The following NES variants were observed in gnomAD, a reference collection of about 807,000 sequenced individuals.
NES encodes the protein nestin.
NES carries 27 observed loss-of-function variants against 35.6 expected under a neutral mutation model. The ratio of observed to expected loss-of-function variants is 0.76; its 90% CI spans 0.56 to 1.04. NES has a LOEUF of 1.04. NES is among the 50% of genes least tolerant of loss of function. The pLI, the probability that NES is intolerant of heterozygous loss-of-function variation, is 0.00. For synonymous variants in NES, 822 were observed against 824.2 expected (o/e 1.00, Z 0.04); for missense variants, 1,867 against 1,983.6 (o/e 0.94, Z 1.12).
rs748479296 is a variant in NES, at chr1:156,670,246, G to T, written c.3942C>A (p.Asp1314Glu). Residue 1314 changes from aspartate (D) to glutamate (E), a missense_variant, in exon 4 of 4, where the codon GAC (aspartate) becomes GAA (glutamate). Transcript: ENST00000368223. ...GGGGTGGCCTCTGCTCTCCAGTGGG[G>T]TCCCACCTGGGGGAGGTGGGGGACC... ...YLRSPTSPRW[D>E]PTGEQRPPPQ... The T allele has an allele frequency of 2.5e-6, 4 of 1,612,976 alleles. No homozygotes were observed. The highest frequency in any genetic ancestry group is 3.4e-6 in the Non-Finnish European group (4 of 1,179,392).
chr1:156,671,918 G>A lies in NES; in HGVS notation c.2270C>T (p.Thr757Ile), dbSNP rs1679743111. 6.2e-7 allele frequency: 1 copy of A among 1,614,032 alleles called. No homozygotes were observed. Among genetic ancestry groups the A allele is most frequent in the Non-Finnish European group, 8.5e-7 (1 of 1,180,028 alleles). ...TCGCTGTTGAGTCTCTTTTTCAAGA[G>A]TTCTCAATGTCTCTTGGTCCTGTTC... Reference protein sequence around the residue: ...LEEQDQETLRTLEKETQQRRR... With the variant: ...LEEQDQETLRILEKETQQRRR... The change falls in exon 4 of 4, where the codon ACT becomes ATT. Residue 757 changes from threonine (T) to isoleucine (I), a missense_variant. Physicochemically the swap from Thr to Ile is moderately conservative, Grantham distance 89 (BLOSUM62 -1). Coordinates refer to ENST00000368223, the MANE Select transcript of NES (RefSeq NM_006617.2).
At position 156,677,151 on chromosome 1, in the gene NES, C is replaced by T. The variant is rs1647330966; in HGVS notation, c.114G>A (p.Ala38=). 2 of 1,611,110 alleles carry T rather than the reference C, an allele frequency of 1.2e-6. No individual in the cohort carries two copies. The highest frequency in any genetic ancestry group is 2.7e-5 in the African/African-American group (2 of 74,968). ...ALEEQNELLS[A]ELGGLRAQSA... ...ATTGTGCCCGGAGCCCCCCGAGCTC[C>T]GCGCTGAGCAGCTCATTCTGCTCCT... The change falls in exon 1 of 4, where the codon GCG becomes GCA. Residue 38 remains alanine (A), a synonymous_variant. Coordinates refer to ENST00000368223, the MANE Select transcript of NES (RefSeq NM_006617.2). This position sits in a 1 kb window ranked among gnomAD's most constrained non-coding sequence, Gnocchi z 4.5.
In NES at chr1:156,677,405, A is replaced by T. The variant is rs1647340782; in HGVS notation, c.-141T>A. The T allele has an allele frequency of 1.4e-6, 1 of 698,788 alleles. No individual in the cohort carries two copies. 43.3% of individuals were successfully genotyped at this position (698,788 alleles called of 1,614,324 possible). On this transcript the variant is annotated 5_prime_UTR_variant, in exon 1 of 4. Transcript: ENST00000368223. This position sits in a 1 kb window ranked among gnomAD's most constrained non-coding sequence, Gnocchi z 4.5. ...GGGCGGGGTGGGAGTAGCCTGAGCG[A>T]CTGAGAGTCGGGAGTGGGAGCGAGG...
Position 156,672,652 on chromosome 1 carries a change from C to T in NES, c.1536G>A (p.Glu512=), listed in dbSNP as rs370483862. The change falls in exon 4 of 4, where the codon GAG becomes GAA. Residue 512 remains glutamate (E), a synonymous_variant. Transcript: ENST00000368223. ...GCTGCAAGCTGCTTACCACTTTGCC[C>T]TCTATGGCTGTTTCTTTCTCTACCA... ...WGLVEKETAI[E]GKVVSSLQQE... is the part of the protein sequence containing the mutation. 9 of 1,613,840 alleles carry T rather than the reference C, an allele frequency of 5.6e-6. No homozygotes were observed. Among genetic ancestry groups the T allele is most frequent in the Admixed American group, 5.0e-5 (3 of 60,010 alleles).
intron 2 of NES, 33 bp from the exon 3 acceptor site, chr1:156,673,560 C>T: frequency 1.3e-6 from 2 of 1,546,776 alleles, no homozygotes; most frequent in Non-Finnish European, 1.8e-6. Flanking sequence ...GGGGTCAGCC[C>T]TCTGCCCCCA....
At position 156,675,696 on chromosome 1, in the gene NES, C is replaced by G. The variant is rs947879245; in HGVS notation, c.784-356G>C. ...GAGAGAGAAGAGGGGGAAAAAAAAG[C>G]GAAAGCAGAAGGAAAAACGATTAAT... is the stretch of plus-strand genomic sequence containing the variant. On this transcript the variant is annotated intron_variant, in intron 1 of 3. Transcript: ENST00000368223. Among the ~76,000 whole-genome samples, 5 of 152,104 alleles carry G rather than the reference C, an allele frequency of 3.3e-5. No individual in the cohort carries two copies. The South Asian group carries it at 1.0e-3, about 32-fold the overall frequency.
rs542024086 is a variant in NES, at chr1:156,676,030, G to T, written c.783+452C>A. ...CCGAGAAGCCATGACATGGGAGGGGGCTGGTAGCCATTCATTCACGGCCCC... is the reference window on the plus strand; with the variant it reads ...CCGAGAAGCCATGACATGGGAGGGGTCTGGTAGCCATTCATTCACGGCCCC... On this transcript the variant is annotated intron_variant, in intron 1 of 3. Transcript: ENST00000368223. This position sits in a 1 kb window ranked among gnomAD's most constrained non-coding sequence, Gnocchi z 5.3. Among the ~76,000 whole-genome samples the T allele has an allele frequency of 6.6e-6, 1 of 152,396 alleles. No homozygotes were observed. Among genetic ancestry groups the T allele is most frequent in the Non-Finnish European group, 1.5e-5 (1 of 68,042 alleles).
chr1:156,675,686 G>GA (rs370067637), intron 1 of NES, among the ~76,000 whole-genome samples: 26 of 151,728 alleles, frequency 1.7e-4, no homozygotes, highest in African/African-American at 4.1e-4. Context: ...AGAAGAGGGG[G>GA]AAAAAAAAGC....
chr1:156,671,408 T>A lies in NES; in HGVS notation c.2780A>T (p.Glu927Val), dbSNP rs147070824. The A allele has an allele frequency of 1.5e-4, 244 of 1,614,058 alleles. 1 individual carries two copies. The African/African-American group carries it at 2.9e-3, about 19-fold the overall frequency. Residue 927 changes from glutamate to valine, a missense_variant, in exon 4 of 4, where the codon GAG becomes GTG. Coordinates refer to ENST00000368223, the MANE Select transcript of NES (RefSeq NM_006617.2). ...CAGAGACCTCAGTGACTCTTGGTAC[T>A]CTCCCTTTCCCAGGTTCTCTTCCTC... ...LEEEENLGKG[E>V]YQESLRSLEE...
rs781742750 is a variant in NES, at chr1:156,673,472, T to C, written c.964A>G (p.Thr322Ala). 1 of 1,612,988 alleles carries C rather than the reference T, an allele frequency of 6.2e-7. No individual in the cohort carries two copies. Among genetic ancestry groups the C allele is most frequent in the Non-Finnish European group, 8.5e-7 (1 of 1,179,296 alleles). ...RLQTPGGGSK[T>A]SLSFQDPKLE... is the part of the protein sequence containing the mutation. ...CTCTTACCCTGAAAGCTGAGGGAAG[T>C]CTTGGAGCCACCGCCAGGTGTTTGC... The change falls in exon 3 of 4, where the codon ACT becomes GCT. Residue 322 changes from threonine to alanine, a missense_variant. Transcript: ENST00000368223.
intron 3 of NES, 46 bp downstream of exon 3, chr1:156,673,408 G>A (rs1295936614): frequency 1.1e-5 from 17 of 1,558,306 alleles, no homozygotes; most frequent in African/African-American, 1.4e-5. Context: ...TGGGTATGAA[G>A]AGCAAAGCAG....
intron 1 of NES, 24 bp from the exon 2 acceptor site, chr1:156,675,364 C>T (rs749155674): frequency 1.3e-6 from 2 of 1,587,894 alleles, no homozygotes; most frequent in African/African-American, 2.7e-5. Context: ...GAGAGGCAGT[C>T]AGTGGAGGGG....
At position 156,671,887 on chromosome 1, in the gene NES, C is replaced by T. The variant is rs774111292; in HGVS notation, c.2301G>A (p.Arg767=). The T allele has an allele frequency of 6.2e-7, 1 of 1,614,084 alleles. No individual in the cohort carries two copies. The highest frequency in any genetic ancestry group is 1.7e-5 in the Admixed American group (1 of 60,006). ...TCATCTGATCCTGTTCCCCTAGAGA[C>T]CTCCGTCGCTGTTGAGTCTCTTTTT... ...TLEKETQQRR[R]SLGEQDQMTL... The change falls in exon 4 of 4, where the codon AGG becomes AGA. Residue 767 remains arginine (R), a synonymous_variant. Transcript: ENST00000368223.
Position 156,671,570 on chromosome 1 carries a change from G to A in NES, c.2618C>T (p.Ser873Phe). The A allele has an allele frequency of 6.2e-7, 1 of 1,613,888 alleles. No individual in the cohort carries two copies. The highest frequency in any genetic ancestry group is 8.5e-7 in the Non-Finnish European group (1 of 1,180,036). ...LEKEIQEPLE[S>F]VEVNQETFRL... ...GAATGTCTCTTGGTTCACTTCCACA[G>A]ACTCCAGTGGTTCTTGAATTTCCTT... Residue 873 changes from serine (S) to phenylalanine (F), a missense_variant, in exon 4 of 4, where the codon TCT becomes TTT. Ser to Phe is a radical substitution (Grantham distance 155). Transcript: ENST00000368223.
In NES at chr1:156,670,817, A is replaced by C; in HGVS notation, c.3371T>G (p.Leu1124Arg). The change falls in exon 4 of 4, where the codon CTG becomes CGG. Residue 1124 changes from leucine to arginine, a missense_variant. Transcript: ENST00000368223. Reference sequence around the variant, plus strand: ...CTTTGCCTCCAAACTCTCCTCTTCCAGGGGTGGTTCCATCACCTCTTCCCT... The same window carrying C: ...CTTTGCCTCCAAACTCTCCTCTTCCCGGGGTGGTTCCATCACCTCTTCCCT... ...LTREEVMEPP[L>R]EEESLEAKRV... 1 of 1,612,952 alleles carries C rather than the reference A, an allele frequency of 6.2e-7. No homozygotes were observed. Among genetic ancestry groups the C allele is most frequent in the Non-Finnish European group, 8.5e-7 (1 of 1,179,318 alleles).
Position 156,672,521 on chromosome 1 carries a change from G to A in NES, c.1667C>T (p.Ser556Leu). The change falls in exon 4 of 4, where the codon TCA (serine) becomes TTA (leucine). Residue 556 changes from serine (S) to leucine (L), a missense_variant. Transcript: ENST00000368223. ...GCTCTGGTTTTCCAGAGTCTTCAGT[G>A]ACTCTTGAATCTCCTCTCCCAGAGA... is the stretch of plus-strand genomic sequence containing the variant. Reference protein sequence around the residue: ...LKSLGEEIQESLKTLENQSHE... With the variant: ...LKSLGEEIQELLKTLENQSHE... 6.2e-7 allele frequency: 1 copy of A among 1,613,664 alleles called. No individual in the cohort carries two copies. The highest frequency in any genetic ancestry group is 8.5e-7 in the Non-Finnish European group (1 of 1,179,850).
rs752641269 is a variant in NES, at chr1:156,670,694, C to T, written c.3494G>A (p.Trp1165Ter). 2.5e-6 allele frequency: 4 copies of T among 1,613,946 alleles called. No individual in the cohort carries two copies. The highest frequency in any genetic ancestry group is 3.4e-6 in the Non-Finnish European group (4 of 1,179,924). ...SELPGKSRDP[W>*]EPPREGREES... ...CTCCCTACCCTCCCTGGGAGGCTCCCAAGGGTCTCTGCTCTTCCCAGGCAG... is the reference window on the plus strand; with the variant it reads ...CTCCCTACCCTCCCTGGGAGGCTCCTAAGGGTCTCTGCTCTTCCCAGGCAG... The change falls in exon 4 of 4, where the codon TGG becomes TAG. Residue 1165 changes from tryptophan (W) to a stop codon, truncating the protein, a stop_gained. Transcript: ENST00000368223. LOFTEE classifies it low-confidence loss of function (END_TRUNC).
Position 156,670,875 on chromosome 1 carries a change from C to A in NES, c.3313G>T (p.Val1105Leu), listed in dbSNP as rs138496114. 1.5e-4 allele frequency: 240 copies of A among 1,610,428 alleles called. No individual in the cohort carries two copies. The African/African-American group carries it at 2.9e-3, about 20-fold the overall frequency. ...TGGCCTGGGTCCCCCAGCCCTCCCA[C>A]CCCCTGCCCCGGGCCTGGCTCAGCT... ...AGAEPGPGQGVGGLGDPGHLT... is the reference protein window; with the variant it reads ...AGAEPGPGQGLGGLGDPGHLT... The change falls in exon 4 of 4, where the codon GTG (valine) becomes TTG (leucine). Residue 1105 changes from valine (V) to leucine (L), a missense_variant. Coordinates refer to ENST00000368223, the MANE Select transcript of NES (RefSeq NM_006617.2).
In NES at chr1:156,671,474, G is replaced by C. The variant is rs772116906; in HGVS notation, c.2714C>G (p.Ser905Cys). Residue 905 changes from serine to cysteine, a missense_variant, in exon 4 of 4, where the codon TCT (serine) becomes TGT (cysteine). Coordinates refer to ENST00000368223, the MANE Select transcript of NES (RefSeq NM_006617.2). ...ACTTTCCTTGTCTACCTCCTCTGGA[G>C]ATCTCAAATTCTCCAGGTTCCATGC... The part of the protein sequence containing the change: ...LGAWNLENLR[S>C]PEEVDKESQR... 4.3e-6 allele frequency: 7 copies of C among 1,613,804 alleles called. No individual in the cohort carries two copies. Among genetic ancestry groups the C allele is most frequent in the Non-Finnish European group, 5.9e-6 (7 of 1,180,032 alleles).
Sources: gnomAD v4.1 joint callset for allele counts (sites outside exome capture counted in the v4.1 genomes callset) on GRCh38, gnomAD v4.1.1 for gene constraint, Gnocchi (gnomAD v3.1) non-coding constraint, MANE v1.5 for transcripts, NCBI Gene and HGNC (gene_info 2026-07-23, HGNC 2026-07-21) for gene names.